Variants in SPAG17 observed in about 807,000 individuals in gnomAD.
The protein encoded by SPAG17 is sperm associated antigen 17.
Under a neutral mutation model 273.6 loss-of-function variants are expected in SPAG17, and 169 were observed. The ratio of observed to expected loss-of-function variants is 0.62; its 90% CI spans 0.55 to 0.70. SPAG17 has a LOEUF of 0.70. Ranked by LOEUF, SPAG17 falls within the 30% of genes least tolerant of loss-of-function variation. SPAG17 has a pLI of 0.00. For synonymous variants in SPAG17, 825 were observed against 873.2 expected (o/e 0.94, Z 0.97); for missense variants, 2,557 against 2,627.8 (o/e 0.97, Z 0.59).
intron 28 of SPAG17, among the ~76,000 whole-genome samples, chr1:118,022,121 G>A (rs1299225226): frequency 1.3e-5 from 2 of 152,080 alleles, no homozygotes; most frequent in Admixed American, 1.3e-4. Context: ...TTGTAAGGCA[G>A]GAGAGGCAGC....
intron 4 of SPAG17, among the ~76,000 whole-genome samples, chr1:118,114,077 A>T (rs1656923575): frequency 6.6e-6 from 1 of 152,156 alleles, no homozygotes; most frequent in African/African-American, 2.4e-5. Context: ...ACTTTTTATA[A>T]TTCAGATTCC....
intron 4 of SPAG17, among the ~76,000 whole-genome samples, chr1:118,102,539 G>A (rs1656136518): frequency 6.6e-6 from 1 of 152,068 alleles, no homozygotes; most frequent in South Asian, 2.1e-4. Flanking sequence ...ATAACCAATG[G>A]TTGCTATTTG....
rs779124279 is a variant in SPAG17 at position 118,101,841 on chromosome 1, G to A, written c.533C>T (p.Ala178Val). 5 of 1,613,764 alleles carry A rather than the reference G, an allele frequency of 3.1e-6. No homozygotes were observed. The highest frequency in any genetic ancestry group is 3.4e-6 in the Non-Finnish European group (4 of 1,179,916). ...KEKKAPSAKP[A>V]KGKGKDQPEA... ...AGGCTGATCCTTTCCCTTTCCTTTG[G>A]CAGGCTTGGCACTTGGAGCCTTTTT... The change falls in exon 5 of 49, where the codon GCC (alanine) becomes GTC (valine). Residue 178 changes from alanine to valine, a missense_variant. Physicochemically the swap from Ala to Val is moderately conservative, Grantham distance 64 (BLOSUM62 0). Coordinates refer to ENST00000336338, the MANE Select transcript of SPAG17 (RefSeq NM_206996.4).
chr1:117,954,673 C>T (rs1651906642), intron 48 of SPAG17: 1 of 1,572,258 alleles, frequency 6.4e-7, no homozygotes, highest in South Asian at 1.2e-5. Flanking sequence ...TAAAAGGTTA[C>T]TTACAAGGAC....
Position 118,093,289 on chromosome 1 carries a change from T to C in SPAG17, c.1040A>G (p.Asn347Ser). 1 of 1,611,544 alleles carries C rather than the reference T, an allele frequency of 6.2e-7. No homozygotes were observed. The highest frequency in any genetic ancestry group is 8.5e-7 in the Non-Finnish European group (1 of 1,178,850). ...MLKLGTDIFENIACLMYDILD... is the reference protein window; with the variant it reads ...MLKLGTDIFESIACLMYDILD... ...GATGTCATACATCAAGCAGGCAATA[T>C]TTTCAAAAATATCAGTGCCCAATTT... is the stretch of plus-strand genomic sequence containing the variant. Residue 347 changes from asparagine (N) to serine (S), a missense_variant, in exon 8 of 49, where the codon AAT (asparagine) becomes AGT (serine). By Grantham distance (46) the Asn-to-Ser change is conservative. Transcript: ENST00000336338.
intron 1 of SPAG17, 129 bp downstream of exon 1, chr1:118,184,942 G>A (rs565453380): frequency 2.6e-6 from 2 of 766,158 alleles, no homozygotes; most frequent in African/African-American, 1.7e-5. Flanking sequence ...TGGGACCCTG[G>A]GTCCTGGAAC....
chr1:118,098,017 G>A (rs1655828997), intron 6 of SPAG17, among the ~76,000 whole-genome samples, 166 bp from the exon 7 acceptor site: 1 of 152,148 alleles, frequency 6.6e-6, no homozygotes, highest in African/African-American at 2.4e-5. Context: ...GTATACAATT[G>A]TGAAATCAGA....
intron 30 of SPAG17, among the ~76,000 whole-genome samples, chr1:118,008,947 T>C (rs1481182503): frequency 6.6e-6 from 1 of 152,168 alleles, no homozygotes; most frequent in Admixed American, 6.6e-5. Context: ...CATTTATATT[T>C]TCCCAATATT....
chr1:118,086,137 G>A, intron 12 of SPAG17, 65 bp from the exon 13 acceptor site: 1 of 1,442,000 alleles, frequency 6.9e-7, no homozygotes, highest in Admixed American at 2.0e-5. Flanking sequence ...TATGCATATG[G>A]AGAAGGCTAA....
chr1:118,028,215 C>T, intron 26 of SPAG17, 59 bp downstream of exon 26: 2 of 1,550,940 alleles, frequency 1.3e-6, no homozygotes, highest in Admixed American at 4.1e-5. Context: ...ACACAATTTC[C>T]TGTTTTCTAC....
chr1:118,130,808 G>A (rs955187580), intron 3 of SPAG17, among the ~76,000 whole-genome samples: 5 of 152,136 alleles, frequency 3.3e-5, no homozygotes, highest in African/African-American at 1.2e-4. Context: ...GGATTATTGA[G>A]TGCATATTCT....
chr1:118,056,328 T>G (rs913587221), intron 18 of SPAG17, among the ~76,000 whole-genome samples: 2 of 152,206 alleles, frequency 1.3e-5, no homozygotes, highest in African/African-American at 4.8e-5. Context: ...TATAGCACAT[T>G]AGGAACTTTT....
rs1316965212 is a variant in SPAG17, at chr1:118,087,167, C to T, written c.1360-159G>A. On this transcript the variant is annotated intron_variant, in intron 10 of 48. Coordinates refer to ENST00000336338, the MANE Select transcript of SPAG17 (RefSeq NM_206996.4). The stretch of plus-strand genomic sequence containing the variant: ...AATGGCAGGAAACTATCAGTGATCA[C>T]CAAGTAAAAGGAAAAGTGTTCGCAA... The T allele has an allele frequency of 4.7e-6, 3 of 640,210 alleles. No homozygotes were observed. In the African/African-American group the frequency reaches 5.6e-5, roughly 12 times the overall value. The allele number at this position is 640,210 out of a possible 1,614,324, so 39.7% of individuals were successfully genotyped here.
chr1:117,966,359 C>T (rs1036081657), intron 47 of SPAG17: 10 of 326,698 alleles, frequency 3.1e-5, no homozygotes, highest in African/African-American at 6.4e-5. Flanking sequence ...TCTGATATTC[C>T]GTAGATAGCC....
chr1:118,050,031 C>G (rs1650821897), intron 20 of SPAG17, among the ~76,000 whole-genome samples: 1 of 152,116 alleles, frequency 6.6e-6, no homozygotes, highest in South Asian at 2.1e-4. Flanking sequence ...TGGAGTTTAA[C>G]TGGTATATGA....
At chr1:118,137,084 T>C (rs1293205296) in intron 3 of SPAG17, among the ~76,000 whole-genome samples, 3 of 152,172 alleles carry the variant, frequency 2.0e-5, no homozygotes, top group East Asian at 3.8e-4. Flanking sequence ...TATCTTTTTT[T>C]CCCTCAATGA....
chr1:117,990,303 T>C (rs532174182), intron 38 of SPAG17, among the ~76,000 whole-genome samples: 62 of 152,222 alleles, frequency 4.1e-4, no homozygotes, highest in Non-Finnish European at 5.1e-4. Context: ...CTTTGCCATA[T>C]CGCCAACAAA....
intron 47 of SPAG17, chr1:117,964,224 T>A: frequency 1.0e-5 from 2 of 194,862 alleles, no homozygotes; most frequent in Non-Finnish European, 2.1e-5. Flanking sequence ...CATATCTACA[T>A]CAGATTTCAT....
At chr1:118,140,455 C>T (rs1472008448) in intron 3 of SPAG17, among the ~76,000 whole-genome samples, 1 of 151,686 alleles carries the variant, frequency 6.6e-6, no homozygotes, top group Non-Finnish European at 1.5e-5. Flanking sequence ...ACTTTTTACC[C>T]CATAAATGTA....
Sources: allele counts gnomAD v4.1 joint callset (sites outside exome capture counted in the v4.1 genomes callset), GRCh38; gene constraint gnomAD v4.1.1; transcripts MANE v1.5; gene names NCBI Gene and HGNC (gene_info 2026-07-23, HGNC 2026-07-21).